Variants in SEMA3D observed in about 807,000 individuals in gnomAD.
SEMA3D encodes the protein semaphorin-3D.
A neutral mutation model predicts 100.1 loss-of-function variants in SEMA3D; 84 were observed. The ratio of observed to expected loss-of-function variants is 0.84; its 90% CI spans 0.70 to 1.01. The LOEUF is 1.01. SEMA3D is among the 50% of genes least tolerant of loss of function. The probability of loss-of-function intolerance (pLI) is 0.00; values close to 1 mark genes in which losing one functional copy is unlikely to be tolerated. For missense variants in SEMA3D, 875 were observed against 934.1 expected (o/e 0.94, Z 0.82); for synonymous variants, 312 against 320.7 (o/e 0.97, Z 0.29).
Position 85,029,298 on chromosome 7 carries a change from C to CA in SEMA3D, c.1192-6686dup, listed in dbSNP as rs1201452305. 12 of 1,027,106 alleles carry CA rather than the reference C, an allele frequency of 1.2e-5. No homozygotes were observed. The Admixed American group carries it at 1.4e-4, about 12-fold the overall frequency. The allele number at this position is 1,027,106 out of a possible 1,614,324, so 63.6% of individuals were successfully genotyped here. Reference sequence around the variant, plus strand: ...ACAAGGGCCATTTGAGCAAGGAAGACATTGAGCCTATGGTCCAGGAAACTG... The same window carrying CA: ...ACAAGGGCCATTTGAGCAAGGAAGACAATTGAGCCTATGGTCCAGGAAACTG... On this transcript the variant is annotated intron_variant, in intron 12 of 18. Coordinates refer to ENST00000284136, the MANE Select transcript of SEMA3D (RefSeq NM_001384900.1).
chr7:85,045,212 AG>A (rs1417743881), intron 9 of SEMA3D, among the ~76,000 whole-genome samples: 1 of 152,052 alleles, frequency 6.6e-6, no homozygotes, highest in African/African-American at 2.4e-5. Context: ...CAGGACATCT[AG>A]GAGAATCAGG....
chr7:85,062,423 C>T (rs1298959684), intron 8 of SEMA3D, among the ~76,000 whole-genome samples: 2 of 151,884 alleles, frequency 1.3e-5, no homozygotes, highest in Non-Finnish European at 2.9e-5. Flanking sequence ...ACAAGGTCAA[C>T]AGATATTTTC....
At chr7:85,216,932 G>A in the SEMA3D span, among the ~76,000 whole-genome samples, 1 of 151,734 alleles carries the variant, frequency 6.6e-6, no homozygotes, top group Non-Finnish European at 1.5e-5. Flanking sequence ...TTGCCCTTGA[G>A]TCTCCGTGGT....
At chr7:85,249,341 G>C in the SEMA3D span, among the ~76,000 whole-genome samples, 1 of 152,146 alleles carries the variant, frequency 6.6e-6, no homozygotes. Flanking sequence ...GGAAAGAAGA[G>C]CCGAAGGATA....
the SEMA3D span, among the ~76,000 whole-genome samples, chr7:85,234,602 G>C: frequency 6.6e-6 from 1 of 152,054 alleles, no homozygotes; most frequent in Non-Finnish European, 1.5e-5. Flanking sequence ...CTCAATAAAA[G>C]CTCAGAAAAA....
chr7:85,038,495 C>G (rs191446129), intron 11 of SEMA3D, among the ~76,000 whole-genome samples: 16 of 152,198 alleles, frequency 1.1e-4, no homozygotes, highest in African/African-American at 3.9e-4. Flanking sequence ...TCCAATGTCA[C>G]CTTGGTCTTT....
rs1255346196 is a variant in SEMA3D, at chr7:84,996,835, C to G, written c.*2605G>C. The G allele has an allele frequency of 6.6e-6, 1 of 151,770 alleles. No homozygotes were observed. Among genetic ancestry groups the G allele is most frequent in the Non-Finnish European group, 1.5e-5 (1 of 67,864 alleles). 9.4% of individuals were successfully genotyped at this position (151,770 alleles called of 1,614,324 possible). The stretch of plus-strand genomic sequence containing the variant: ...ACTTTTCTTTTTCATTATTTTAAGG[C>G]AAATTTGATAAAATAGTCAGTGGTG... On this transcript the variant is annotated 3_prime_UTR_variant, in exon 19 of 19. Coordinates refer to ENST00000284136, the MANE Select transcript of SEMA3D (RefSeq NM_001384900.1).
At chr7:85,065,295 T>G in intron 8 of SEMA3D, 129 bp downstream of exon 8, 1 of 826,252 alleles carries the variant, frequency 1.2e-6, no homozygotes, top group South Asian at 2.2e-5. Flanking sequence ...GGGAATTATT[T>G]CAAATGTATT....
Position 85,042,726 on chromosome 7 carries a change from G to A in SEMA3D, c.862-441C>T, listed in dbSNP as rs80299613. ...CTTTCTATGTTGTCCAAGCTGGAGCGCAGTAATTATTCACAGGCAAGATCA... is the reference window on the plus strand; with the variant it reads ...CTTTCTATGTTGTCCAAGCTGGAGCACAGTAATTATTCACAGGCAAGATCA... On this transcript the variant is annotated intron_variant, in intron 9 of 18. Coordinates refer to ENST00000284136, the MANE Select transcript of SEMA3D (RefSeq NM_001384900.1). Among the ~76,000 whole-genome samples the A allele has an allele frequency of 7.4e-3, 1,125 of 152,120 alleles. 8 individuals are homozygous for A. Among genetic ancestry groups the A allele is most frequent in the African/African-American group, 0.024 (996 of 41,492 alleles).
the SEMA3D span, among the ~76,000 whole-genome samples, chr7:85,216,680 C>G: frequency 5.3e-5 from 8 of 151,358 alleles, no homozygotes; most frequent in Non-Finnish European, 1.0e-4. Flanking sequence ...ATAATGTTAA[C>G]TAAGTAGGAC....
chr7:85,231,672 G>C, the SEMA3D span, among the ~76,000 whole-genome samples: 10 of 152,026 alleles, frequency 6.6e-5, no homozygotes, highest in East Asian at 9.7e-4. Flanking sequence ...GGATGGTCTC[G>C]ATCTCCTGAC....
intron 1 of SEMA3D, among the ~76,000 whole-genome samples, chr7:85,170,970 A>G (rs1562843784): frequency 6.6e-6 from 1 of 152,030 alleles, no homozygotes; most frequent in Non-Finnish European, 1.5e-5. Flanking sequence ...AACTCATTGC[A>G]TTTTGGATGC....
At chr7:85,247,694 A>G in the SEMA3D span, among the ~76,000 whole-genome samples, 1 of 152,138 alleles carries the variant, frequency 6.6e-6, no homozygotes, top group Non-Finnish European at 1.5e-5. Context: ...TGGCTAAAGA[A>G]TAGACAGGTA....
At chr7:85,185,163 C>CTTCA (rs1791505552) in intron 1 of SEMA3D, among the ~76,000 whole-genome samples, 1 of 152,118 alleles carries the variant, frequency 6.6e-6, no homozygotes, top group African/African-American at 2.4e-5. Flanking sequence ...CTTCTCTGCC[C>CTTCA]TTCACATTTT....
chr7:85,042,388 T>A, intron 9 of SEMA3D, 103 bp from the exon 10 acceptor site: 2 of 789,984 alleles, frequency 2.5e-6, no homozygotes, highest in Non-Finnish European at 2.1e-6. Context: ...TGTCATTGTT[T>A]ACAAAGACAC....
intron 16 of SEMA3D, 148 bp from the exon 17 acceptor site, chr7:85,012,994 C>G (rs1055177858): frequency 1.9e-6 from 1 of 535,144 alleles, no homozygotes; most frequent in Admixed American, 3.1e-5. Context: ...TCCAATCAAT[C>G]TAACATTGAT....
intron 6 of SEMA3D, among the ~76,000 whole-genome samples, chr7:85,070,618 A>T (rs868285973): frequency 1.3e-5 from 2 of 152,186 alleles, no homozygotes; most frequent in Middle Eastern, 3.2e-3. Context: ...CCATACAATT[A>T]CCTGTACGCC....
At chr7:85,245,470 T>C in the SEMA3D span, among the ~76,000 whole-genome samples, 1 of 152,216 alleles carries the variant, frequency 6.6e-6, no homozygotes, top group African/African-American at 2.4e-5. Context: ...TTTACTCAGC[T>C]ATAATGTTCG....
At chr7:85,055,973 A>G in intron 8 of SEMA3D, 114 bp from the exon 9 acceptor site, 1 of 533,222 alleles carries the variant, frequency 1.9e-6, no homozygotes. Flanking sequence ...AAAATGAACT[A>G]TAAGCCAGAT....
Sources: gnomAD v4.1 joint callset for allele counts (sites outside exome capture counted in the v4.1 genomes callset) on GRCh38, gnomAD v4.1.1 for gene constraint, MANE v1.5 for transcripts, NCBI Gene and HGNC (gene_info 2026-07-23, HGNC 2026-07-21) for gene names.